Variants in HDAC4 observed in about 807,000 individuals in gnomAD.
HDAC4 encodes histone deacetylase 4.
Under a neutral mutation model 135.1 loss-of-function variants are expected in HDAC4, and 16 were observed. The observed-to-expected ratio is 0.12, with a 90% CI of 0.08 to 0.18. The LOEUF is 0.18. Among genes scored for constraint, HDAC4 ranks in the 10% least tolerant of loss-of-function variants. HDAC4 has a pLI of 1.00. For synonymous variants in HDAC4, 685 were observed against 653.4 expected (o/e 1.05, Z -0.74); for missense variants, 1,143 against 1,511.8 (o/e 0.76, Z 4.05).
intron 2 of HDAC4, among the ~76,000 whole-genome samples, chr2:239,251,372 T>C (rs2048775980): frequency 6.6e-6 from 1 of 152,086 alleles, no homozygotes; most frequent in Admixed American, 6.5e-5. Context: ...GGCGGGAATA[T>C]TGCTTGAGGT....
chr2:239,379,597 G>T (rs941499346), intron 1 of HDAC4, among the ~76,000 whole-genome samples: 4 of 152,124 alleles, frequency 2.6e-5, no homozygotes, highest in African/African-American at 7.2e-5. Flanking sequence ...CCGGCTCCTG[G>T]CAGGGCCTCC....
intron 2 of HDAC4, among the ~76,000 whole-genome samples, chr2:239,320,979 G>T (rs1453325759): frequency 6.6e-6 from 1 of 151,798 alleles, no homozygotes; most frequent in African/African-American, 2.4e-5. Context: ...GATTTATACC[G>T]CTTTCCTTGT....
chr2:239,358,217 C>T (rs965581691), intron 1 of HDAC4, among the ~76,000 whole-genome samples: 1 of 152,184 alleles, frequency 6.6e-6, no homozygotes, highest in African/African-American at 2.4e-5. Flanking sequence ...GATGAGCTTT[C>T]ACTGCTCCAT....
intron 2 of HDAC4, among the ~76,000 whole-genome samples, chr2:239,273,690 A>T (rs992138854): frequency 6.6e-6 from 1 of 152,144 alleles, no homozygotes; most frequent in African/African-American, 2.4e-5. Context: ...AGGGAGGAGG[A>T]ACTTGCTCAA....
At position 239,263,825 on chromosome 2, in the gene HDAC4, C is replaced by G. The variant is rs1001062567; in HGVS notation, c.23-27161G>C. On this transcript the variant is annotated intron_variant, in intron 2 of 26. Coordinates refer to ENST00000543185, the MANE Select transcript of HDAC4 (RefSeq NM_001378414.1). ...CCTGCCTGGCCCCAGCTGTCCGACTCGGCTGAGCCTCGCCTCCTGCTGCTC... is the reference window on the plus strand; with the variant it reads ...CCTGCCTGGCCCCAGCTGTCCGACTGGGCTGAGCCTCGCCTCCTGCTGCTC... Among the ~76,000 whole-genome samples the G allele has an allele frequency of 1.1e-4, 16 of 152,192 alleles. 1 individual carries two copies. Among genetic ancestry groups the G allele is most frequent in the African/African-American group, 3.1e-4 (13 of 41,458 alleles).
intron 1 of HDAC4, among the ~76,000 whole-genome samples, chr2:239,360,091 G>A (rs1169091544): frequency 1.3e-5 from 2 of 152,194 alleles, no homozygotes; most frequent in East Asian, 3.9e-4. Flanking sequence ...CAGGTGGAGG[G>A]ACCCAGAGGC....
chr2:239,164,006 A>C, intron 5 of HDAC4, 83 bp from the exon 6 acceptor site: 1 of 1,542,168 alleles, frequency 6.5e-7, no homozygotes. Flanking sequence ...CCACAGAGGG[A>C]GGGAAGGGCT....
At chr2:239,280,185 G>C (rs1011893150) in intron 2 of HDAC4, among the ~76,000 whole-genome samples, 2 of 152,110 alleles carry the variant, frequency 1.3e-5, no homozygotes, top group Non-Finnish European at 2.9e-5. Context: ...AAAAAAAAAG[G>C]CATCTGGAAA....
At chr2:239,119,911 C>A (rs935616382) in intron 12 of HDAC4, among the ~76,000 whole-genome samples, 1 of 151,752 alleles carries the variant, frequency 6.6e-6, no homozygotes, top group African/African-American at 2.4e-5. Flanking sequence ...CTGGGTCCAG[C>A]GGCAGTGGGG....
At chr2:239,286,341 A>T (rs537905844) in intron 2 of HDAC4, among the ~76,000 whole-genome samples, 2 of 152,378 alleles carry the variant, frequency 1.3e-5, no homozygotes, top group South Asian at 4.1e-4. Flanking sequence ...AAAAATAAAA[A>T]GGAGATTCGG....
chr2:239,113,554 A>G (rs891450482), intron 13 of HDAC4, among the ~76,000 whole-genome samples: 2 of 152,242 alleles, frequency 1.3e-5, no homozygotes, highest in Admixed American at 1.3e-4. Flanking sequence ...AGAACAGAAA[A>G]TAAGTGTTTC....
chr2:239,148,626 G>A (rs541818384), intron 7 of HDAC4, among the ~76,000 whole-genome samples: 7 of 152,196 alleles, frequency 4.6e-5, no homozygotes, highest in South Asian at 2.1e-4. Context: ...CCAAGAGTGC[G>A]ACAGAATAAA....
intron 5 of HDAC4, among the ~76,000 whole-genome samples, chr2:239,165,218 C>T (rs2043052017): frequency 6.6e-6 from 1 of 150,904 alleles, no homozygotes; most frequent in African/African-American, 2.4e-5. Flanking sequence ...AGTTTAGACC[C>T]TGTCTCAAAA....
intron 2 of HDAC4, among the ~76,000 whole-genome samples, chr2:239,286,803 C>A (rs138561987): frequency 6.6e-6 from 1 of 152,104 alleles, no homozygotes; most frequent in Non-Finnish European, 1.5e-5. Context: ...ATACACCAAA[C>A]GTGATGAAAG....
At chr2:239,239,817 T>C (rs2048075698) in intron 2 of HDAC4, among the ~76,000 whole-genome samples, 1 of 152,202 alleles carries the variant, frequency 6.6e-6, no homozygotes, top group Admixed American at 6.5e-5. Context: ...AGGAAGTGCC[T>C]GCCTCTCGCG....
At chr2:239,199,738 T>A (rs1341880920) in intron 3 of HDAC4, among the ~76,000 whole-genome samples, 1 of 7,210 alleles carries the variant, frequency 1.4e-4, no homozygotes, top group Non-Finnish European at 3.3e-4. Context: ...GTACATTTCT[T>A]TTTTTTTTTT....
At chr2:239,095,897 G>A (rs1394272400) in intron 16 of HDAC4, among the ~76,000 whole-genome samples, 2 of 152,118 alleles carry the variant, frequency 1.3e-5, no homozygotes, top group African/African-American at 2.4e-5. Context: ...CGCAGCCCCC[G>A]GCCCCTTCCT....
chr2:239,366,231 C>T (rs764425326), intron 1 of HDAC4, among the ~76,000 whole-genome samples: 2 of 151,686 alleles, frequency 1.3e-5, no homozygotes, highest in Non-Finnish European at 1.5e-5. Context: ...CAGGGTCACG[C>T]GTGTGGCACT....
rs186949438 is a variant in HDAC4, at chr2:239,370,067, G to A, written c.-219-17149C>T. ...CAGAGAAAAGCACGCCCAGATGCACGGGGCCCTGTACAGGACGGCAGGCCG... is the reference window on the plus strand; with the variant it reads ...CAGAGAAAAGCACGCCCAGATGCACAGGGCCCTGTACAGGACGGCAGGCCG... On this transcript the variant is annotated intron_variant, in intron 1 of 26. Transcript: ENST00000543185. Among the ~76,000 whole-genome samples, 26 of 152,356 alleles carry A rather than the reference G, an allele frequency of 1.7e-4. No individual in the cohort carries two copies. In the East Asian group the frequency reaches 3.3e-3, roughly 19 times the overall value.
Sources: gnomAD v4.1 joint callset for allele counts (sites outside exome capture counted in the v4.1 genomes callset) on GRCh38, gnomAD v4.1.1 for gene constraint, MANE v1.5 for transcripts, NCBI Gene and HGNC (gene_info 2026-07-23, HGNC 2026-07-21) for gene names.